Variants in ROBO1 observed in about 807,000 individuals in gnomAD.
ROBO1 encodes the protein roundabout homolog 1.
In ROBO1, 149 loss-of-function variants were observed where a neutral mutation model predicts 195.9. The ratio of observed to expected loss-of-function variants is 0.76; its 90% confidence interval spans 0.67 to 0.87. The LOEUF (loss-of-function observed/expected upper bound fraction) is 0.87, where lower values mean the gene tolerates loss of function less well. ROBO1 is among the 40% of genes least tolerant of loss of function. The pLI is 0.00. For synonymous variants in ROBO1, 816 were observed against 733.2 expected, an observed-to-expected ratio of 1.11 and a Z score of -1.82; for missense variants, 1,933 against 2,068.3, an observed-to-expected ratio of 0.93 and a Z score of 1.27.
At chr3:79,014,773 A>G (rs1367686996) in intron 3 of ROBO1, among the ~76,000 whole-genome samples, 1 of 152,182 alleles carries the variant, frequency 6.6e-6, no homozygotes, top group Non-Finnish European at 1.5e-5. Context: ...CTTGCAGGGC[A>G]GTTTATATTT....
At chr3:79,109,322 A>C (rs1299012206) in intron 3 of ROBO1, among the ~76,000 whole-genome samples, 1 of 152,006 alleles carries the variant, frequency 6.6e-6, no homozygotes, top group African/African-American at 2.4e-5. Flanking sequence ...AATAATTCTT[A>C]AGAATTAATG....
At chr3:78,626,401 G>A (rs1279638348) in intron 26 of ROBO1, among the ~76,000 whole-genome samples, 2 of 152,048 alleles carry the variant, frequency 1.3e-5, no homozygotes, top group African/African-American at 4.8e-5. Flanking sequence ...GGTAATAGAA[G>A]AGTTAATAAA....
At chr3:78,838,862 C>T (rs965048953) in intron 4 of ROBO1, among the ~76,000 whole-genome samples, 2 of 152,114 alleles carry the variant, frequency 1.3e-5, no homozygotes, top group Admixed American at 6.5e-5. Flanking sequence ...AACCTTATTC[C>T]TCATCCCACA....
intron 2 of ROBO1, among the ~76,000 whole-genome samples, chr3:79,355,899 T>C (rs2035532223): frequency 6.6e-6 from 1 of 152,182 alleles, no homozygotes; most frequent in Non-Finnish European, 1.5e-5. Flanking sequence ...TTCAACATAC[T>C]GATTTTATTT....
chr3:79,054,232 C>T (rs898753707), intron 3 of ROBO1, among the ~76,000 whole-genome samples: 1 of 152,102 alleles, frequency 6.6e-6, no homozygotes, highest in Non-Finnish European at 1.5e-5. Flanking sequence ...GAACAAGTAA[C>T]AAAGGTGTGT....
intron 4 of ROBO1, among the ~76,000 whole-genome samples, chr3:78,883,951 G>T (rs2036342667): frequency 6.6e-6 from 1 of 152,168 alleles, no homozygotes; most frequent in Admixed American, 6.5e-5. Context: ...TATGCTGCAT[G>T]TGCAAAATCA....
chr3:78,998,685 T>G (rs1235479695), intron 3 of ROBO1, among the ~76,000 whole-genome samples: 2 of 152,106 alleles, frequency 1.3e-5, no homozygotes, highest in African/African-American at 2.4e-5. Flanking sequence ...CAGTTCTATC[T>G]GTTCATTCTA....
Position 79,249,416 on chromosome 3 carries a change from C to G in ROBO1, c.89-123877G>C, listed in dbSNP as rs1259912107. Among the ~76,000 whole-genome samples the G allele has an allele frequency of 2.0e-5, 3 of 152,148 alleles. No homozygotes were observed. The East Asian group carries it at 5.8e-4, about 29-fold the overall frequency. On this transcript the variant is annotated intron_variant, in intron 2 of 30. Transcript: ENST00000464233. ...TAGGCAATAACTTTCGTGGTCATCTCACCTATGACCCCTCCTTTCACTTTC... is the reference window on the plus strand; with the variant it reads ...TAGGCAATAACTTTCGTGGTCATCTGACCTATGACCCCTCCTTTCACTTTC...
At chr3:79,018,514 A>G in intron 3 of ROBO1, 1 of 1,609,912 alleles carries the variant, frequency 6.2e-7, no homozygotes, top group Non-Finnish European at 8.5e-7. Flanking sequence ...GGGAGTGGAA[A>G]TAGGGTCCCC....
At chr3:78,963,494 GTTTTTTTTTTT>G (rs750158094) in intron 3 of ROBO1, among the ~76,000 whole-genome samples, 37 of 72,310 alleles carry the variant, frequency 5.1e-4, no homozygotes, top group East Asian at 2.5e-3. Flanking sequence ...AAAACCTTCA[GTTTTTTTTTTT>G]TTTTTTTTTT....
intron 2 of ROBO1, among the ~76,000 whole-genome samples, chr3:79,175,207 A>G (rs1374603221): frequency 6.6e-6 from 1 of 152,210 alleles, no homozygotes; most frequent in Non-Finnish European, 1.5e-5. Context: ...TCAAACTTAT[A>G]ATAAAATTAG....
chr3:79,160,238 G>GTT (rs2080933212), intron 2 of ROBO1, among the ~76,000 whole-genome samples: 1 of 150,852 alleles, frequency 6.6e-6, no homozygotes, highest in African/African-American at 2.5e-5. Flanking sequence ...AAAAAAATGT[G>GTT]TGTGTGTGTG....
intron 2 of ROBO1, among the ~76,000 whole-genome samples, chr3:79,206,548 G>C (rs1286989743): frequency 6.6e-6 from 1 of 152,154 alleles, no homozygotes; most frequent in Non-Finnish European, 1.5e-5. Flanking sequence ...ACAATCTGTA[G>C]TTTCAGGCAT....
At chr3:79,069,519 T>C (rs779759599) in intron 3 of ROBO1, among the ~76,000 whole-genome samples, 2 of 151,974 alleles carry the variant, frequency 1.3e-5, no homozygotes, top group African/African-American at 2.4e-5. Flanking sequence ...CTATTTACAA[T>C]GACATCCTTT....
intron 2 of ROBO1, among the ~76,000 whole-genome samples, chr3:79,312,194 T>C (rs1576959713): frequency 6.6e-6 from 1 of 152,318 alleles, no homozygotes; most frequent in Non-Finnish European, 1.5e-5. Flanking sequence ...ACAATCTCCA[T>C]TGCCCACTTT....
intron 10 of ROBO1, among the ~76,000 whole-genome samples, chr3:78,677,427 C>A (rs969841588): frequency 6.6e-6 from 1 of 152,008 alleles, no homozygotes; most frequent in African/African-American, 2.4e-5. Context: ...TTCAGGAAAC[C>A]CATCTCACAT....
intron 2 of ROBO1, among the ~76,000 whole-genome samples, chr3:79,138,542 A>G (rs1442614720): frequency 1.3e-5 from 2 of 152,016 alleles, no homozygotes; most frequent in African/African-American, 4.8e-5. Context: ...AGAATAACAT[A>G]TTACTTCCTT....
chr3:79,589,043 G>A (rs1373802027), intron 2 of ROBO1, among the ~76,000 whole-genome samples: 1 of 151,570 alleles, frequency 6.6e-6, no homozygotes, highest in East Asian at 1.9e-4. Context: ...TCATAGTATG[G>A]TCTAACAAAA....
intron 5 of ROBO1, among the ~76,000 whole-genome samples, chr3:78,728,957 A>T (rs3773235): frequency 0.037 from 5,590 of 152,310 alleles, 118 homozygotes; most frequent in Non-Finnish European, 0.047. Flanking sequence ...GAGTTTAAAC[A>T]CACTTGATCA....
Sources: gnomAD v4.1 joint callset for allele counts (sites outside exome capture counted in the v4.1 genomes callset) on GRCh38, gnomAD v4.1.1 for gene constraint, MANE v1.5 for transcripts, NCBI Gene and HGNC (gene_info 2026-07-23, HGNC 2026-07-21) for gene names.